Variants in MIAT observed in about 807,000 individuals in gnomAD.
The protein encoded by MIAT is myocardial infarction associated transcript.
chr22:26,651,911 A>T (rs1930342821), intron 2 of MIAT, among the ~76,000 whole-genome samples: 1 of 152,264 alleles, frequency 6.6e-6, no homozygotes, highest in Admixed American at 6.5e-5. Flanking sequence ...TGGCAGCATT[A>T]CATCGTGAAT....
exon 6 of MIAT, chr22:26,668,162 C>T: frequency 2.5e-6 from 1 of 398,630 alleles, no homozygotes; most frequent in Non-Finnish European, 4.4e-6. Flanking sequence ...CCCCAGGTGG[C>T]TCCATCTGGG....
downstream of MIAT, chr22:26,672,639 G>A (rs767014744): frequency 2.3e-5 from 9 of 399,092 alleles, no homozygotes; most frequent in Non-Finnish European, 2.7e-5. Flanking sequence ...GGGGATAGAA[G>A]CTGTCCTGCA....
intron 2 of MIAT, among the ~76,000 whole-genome samples, chr22:26,662,079 C>T (rs1930697749): frequency 6.6e-6 from 1 of 151,446 alleles, no homozygotes; most frequent in Admixed American, 6.6e-5. Flanking sequence ...GTTGAAGCCT[C>T]CCAAATAGCC....
At chr22:26,657,616 G>A (rs1260054755) in intron 2 of MIAT, 2 of 398,614 alleles carry the variant, frequency 5.0e-6, no homozygotes, top group Admixed American at 4.4e-5. Context: ...GGGGCACAAA[G>A]AGCCCTCTGC....
intron 2 of MIAT, among the ~76,000 whole-genome samples, chr22:26,648,206 C>T (rs537669702): frequency 5.3e-5 from 8 of 152,162 alleles, no homozygotes; most frequent in Admixed American, 1.3e-4. Flanking sequence ...CCTGCTGGGG[C>T]GACTGGGAGG....
chr22:26,651,481 C>T (rs1037691203), intron 2 of MIAT, among the ~76,000 whole-genome samples: 21 of 152,278 alleles, frequency 1.4e-4, no homozygotes, highest in African/African-American at 4.8e-4. Context: ...CTACTGACTC[C>T]ATAATCCCTC....
intron 2 of MIAT, among the ~76,000 whole-genome samples, chr22:26,661,508 C>T (rs1449194280): frequency 6.6e-6 from 1 of 152,146 alleles, no homozygotes; most frequent in Admixed American, 6.5e-5. Flanking sequence ...CTAACTACCA[C>T]TTTGTTACCG....
chr22:26,675,801 A>G, exon 5 of MIAT: 1 of 398,680 alleles, frequency 2.5e-6, no homozygotes, highest in African/African-American at 2.1e-5. Context: ...GGCAGATACA[A>G]GTGTGGAGTA....
intron 2 of MIAT, among the ~76,000 whole-genome samples, chr22:26,661,651 A>C (rs1930665520): frequency 6.6e-6 from 1 of 152,054 alleles, no homozygotes. Flanking sequence ...TTAGCTGTGC[A>C]GTCAGGATGT....
At chr22:26,652,349 T>C (rs1930350709) in intron 2 of MIAT, among the ~76,000 whole-genome samples, 1 of 152,022 alleles carries the variant, frequency 6.6e-6, no homozygotes, top group Non-Finnish European at 1.5e-5. Flanking sequence ...TCTCTCTTTA[T>C]TTATTCATTC....
At chr22:26,666,326 C>T (rs1399093157) in exon 4 of MIAT, 1 of 398,680 alleles carries the variant, frequency 2.5e-6, no homozygotes, top group Non-Finnish European at 4.4e-6. Context: ...CAGCCTCTGG[C>T]TCCCCGAATT....
chr22:26,653,295 G>A (rs1032949025), intron 2 of MIAT, among the ~76,000 whole-genome samples: 1 of 152,098 alleles, frequency 6.6e-6, no homozygotes, highest in African/African-American at 2.4e-5. Flanking sequence ...GAACATGAGG[G>A]TCCACTCCTT....
chr22:26,669,653 C>T, exon 6 of MIAT: 1 of 398,780 alleles, frequency 2.5e-6, no homozygotes. Flanking sequence ...AGGGTGGTCA[C>T]CGCAAACATG....
chr22:26,654,720 A>T (rs117370913), intron 2 of MIAT, among the ~76,000 whole-genome samples: 3,224 of 152,002 alleles, frequency 0.021, 54 homozygotes, highest in Non-Finnish European at 0.033. Flanking sequence ...ATTTATTTTT[A>T]AATTTTTTTT....
At chr22:26,670,043 T>C, downstream of MIAT, 1 of 389,146 alleles carries the variant, frequency 2.6e-6, no homozygotes, top group East Asian at 3.6e-5. Context: ...GAGTATAGAC[T>C]TAGGGTTTAT....
chr22:26,656,908 C>T (rs1251273532), intron 2 of MIAT, among the ~76,000 whole-genome samples: 1 of 152,132 alleles, frequency 6.6e-6, no homozygotes, highest in Non-Finnish European at 1.5e-5. Flanking sequence ...GGTCCCATCT[C>T]TAAAACAATA....
exon 5 of MIAT, chr22:26,675,119 G>C (rs1223159338): frequency 2.5e-6 from 1 of 398,838 alleles, no homozygotes; most frequent in Non-Finnish European, 4.4e-6. Flanking sequence ...TTGGGTGCAG[G>C]GGGGTGGAAT....
intron 2 of MIAT, among the ~76,000 whole-genome samples, chr22:26,656,756 C>G (rs1046070204): frequency 6.6e-6 from 1 of 152,124 alleles, no homozygotes. Flanking sequence ...AAAGACTAAT[C>G]CGGGCGCGGT....
downstream of MIAT, chr22:26,671,191 G>A: frequency 2.5e-6 from 1 of 398,654 alleles, no homozygotes; most frequent in Admixed American, 4.4e-5. Flanking sequence ...CATTTTCAGG[G>A]GAGCTGAAAT....
Sources: gnomAD v4.1 joint callset for allele counts (sites outside exome capture counted in the v4.1 genomes callset) on GRCh38, gnomAD v4.1.1 for gene constraint, MANE v1.5 for transcripts, NCBI Gene and HGNC (gene_info 2026-07-23, HGNC 2026-07-21) for gene names.